Variants in CUBN observed in about 807,000 individuals in gnomAD.
The protein encoded by CUBN is 460 kDa receptor.
A neutral mutation model predicts 405.3 loss-of-function variants in CUBN; 282 were observed. The ratio of observed to expected loss-of-function variants is 0.70; its 90% CI spans 0.63 to 0.77. CUBN has a LOEUF of 0.77. Ranked by LOEUF, CUBN falls within the 30% of genes least tolerant of loss-of-function variation. The pLI, the probability that CUBN is intolerant of heterozygous loss-of-function variation, is 0.00. For synonymous variants in CUBN, 1,684 were observed against 1,617.0 expected, an observed-to-expected ratio of 1.04 and a Z score of -0.99; for missense variants, 4,514 against 4,475.2, an observed-to-expected ratio of 1.01 and a Z score of -0.25.
At chr10:16,871,728 A>T (rs1840359422) in intron 58 of CUBN, among the ~76,000 whole-genome samples, 2 of 152,212 alleles carry the variant, frequency 1.3e-5, no homozygotes, top group African/African-American at 4.8e-5. Flanking sequence ...TTCTAAGAGG[A>T]CTTAAATCTG....
intron 44 of CUBN, 83 bp from the exon 45 acceptor site, chr10:16,918,883 G>T: frequency 4.9e-6 from 6 of 1,231,492 alleles, no homozygotes; most frequent in Non-Finnish European, 4.7e-6. Flanking sequence ...TTTCTTTGAA[G>T]ATATTATTAA....
chr10:16,964,871 C>T lies in CUBN; in HGVS notation c.4696-10323G>A, dbSNP rs575323087. On this transcript the variant is annotated intron_variant, in intron 31 of 66. Transcript: ENST00000377833. Reference sequence around the variant, plus strand: ...TCTACAACTGTGCCCCAGTCCTCTCCCCTAAGCCCTAGGCTTGTATAGACA... The same window carrying T: ...TCTACAACTGTGCCCCAGTCCTCTCTCCTAAGCCCTAGGCTTGTATAGACA... Among the ~76,000 whole-genome samples, 5 of 152,338 alleles carry T rather than the reference C, an allele frequency of 3.3e-5. No homozygotes were observed. In the East Asian group the frequency reaches 7.7e-4, roughly 23 times the overall value.
rs185221195 is a variant in CUBN at position 17,038,093 on chromosome 10, C to T, written c.4017+2940G>A. 1.9e-3 allele frequency among the ~76,000 whole-genome samples: 286 copies of T among 152,230 alleles called. 1 individual carries two copies. The highest frequency in any genetic ancestry group is 3.2e-3 in the Non-Finnish European group (217 of 68,016). Reference sequence around the variant, plus strand: ...AGCTGAGATTATAGGCCTGAGCCACCGTGCCCAGCCACAATCACCTCTTAG... The same window carrying T: ...AGCTGAGATTATAGGCCTGAGCCACTGTGCCCAGCCACAATCACCTCTTAG... On this transcript the variant is annotated intron_variant, in intron 27 of 66. Coordinates refer to ENST00000377833, the MANE Select transcript of CUBN (RefSeq NM_001081.4).
At chr10:17,022,557 CAGA>C (rs1834526826) in intron 27 of CUBN, among the ~76,000 whole-genome samples, 1 of 152,092 alleles carries the variant, frequency 6.6e-6, no homozygotes, top group Non-Finnish European at 1.5e-5. Context: ...CGAAACGGAA[CAGA>C]AGCTTTTCAC....
chr10:17,092,176 G>A (rs192597543), intron 14 of CUBN, among the ~76,000 whole-genome samples: 7 of 152,172 alleles, frequency 4.6e-5, no homozygotes, highest in Non-Finnish European at 7.4e-5. Context: ...AGTTATGAAC[G>A]GGTCTCACCA....
intron 35 of CUBN, 107 bp from the exon 36 acceptor site, chr10:16,947,474 T>C (rs934421641): frequency 2.0e-5 from 23 of 1,179,256 alleles, no homozygotes; most frequent in African/African-American, 3.0e-5. Flanking sequence ...AAAGAATAGA[T>C]AGTATTTCCA....
At chr10:17,072,012 A>C in intron 17 of CUBN, 41 bp from the exon 18 acceptor site, 1 of 1,548,762 alleles carries the variant, frequency 6.5e-7, no homozygotes, top group Non-Finnish European at 8.8e-7. Context: ...TCAAATAAAG[A>C]AACTTACGTC....
intron 60 of CUBN, among the ~76,000 whole-genome samples, chr10:16,846,916 A>C (rs902442540): frequency 1.3e-5 from 2 of 152,006 alleles, no homozygotes; most frequent in African/African-American, 4.8e-5. Flanking sequence ...CTGGTTCCAT[A>C]CTTCCTGGCA....
chr10:17,100,021 C>T lies in CUBN; in HGVS notation c.1749G>A (p.Trp583Ter), dbSNP rs1250143768. The T allele has an allele frequency of 6.2e-7, 1 of 1,612,682 alleles. No individual in the cohort carries two copies. Among genetic ancestry groups the T allele is most frequent in the Admixed American group, 1.7e-5 (1 of 60,000 alleles). ...CACACATACCTGGTTGCTGTGTTTC[C>T]CATCTTACTGTAAAGCCTCTCCCAT... ...LRNGRGFTVR[W>*]ETQQPECGGI... The change falls in exon 14 of 67, where the codon TGG becomes TGA. Residue 583 changes from tryptophan to a stop codon, truncating the protein, a stop_gained. Transcript: ENST00000377833. LOFTEE classifies it high-confidence loss of function.
rs2131292618 is a variant in CUBN at position 16,824,720 on chromosome 10, A to G, written c.*255T>C. On this transcript the variant is annotated 3_prime_UTR_variant, in exon 67 of 67. Coordinates refer to ENST00000377833, the MANE Select transcript of CUBN (RefSeq NM_001081.4). Reference sequence around the variant, plus strand: ...ATTGTTAGAGAGATGAGGTTTCACCATGCTGGCCAGGCTAGTCTCAAACTC... The same window carrying G: ...ATTGTTAGAGAGATGAGGTTTCACCGTGCTGGCCAGGCTAGTCTCAAACTC... 1 of 411,116 alleles carries G rather than the reference A, an allele frequency of 2.4e-6. No homozygotes were observed. Among genetic ancestry groups the G allele is most frequent in the Middle Eastern group, 7.8e-4 (1 of 1,276 alleles). 25.5% of individuals were successfully genotyped at this position (411,116 alleles called of 1,614,324 possible).
chr10:17,122,096 A>T (rs1335660131), intron 6 of CUBN: 2 of 152,500 alleles, frequency 1.3e-5, no homozygotes, highest in Non-Finnish European at 2.9e-5. Flanking sequence ...GACGATGGAT[A>T]TCCCTAGAGC....
chr10:16,850,411 T>A (rs1839651474), intron 60 of CUBN, among the ~76,000 whole-genome samples: 1 of 152,224 alleles, frequency 6.6e-6, no homozygotes, highest in Non-Finnish European at 1.5e-5. Flanking sequence ...ATAGGTATAA[T>A]AATTTAATAT....
intron 28 of CUBN, among the ~76,000 whole-genome samples, chr10:17,013,300 TTCTC>T (rs779321746): frequency 1.1e-4 from 16 of 151,860 alleles, no homozygotes; most frequent in Non-Finnish European, 1.9e-4. Flanking sequence ...ATCTTTCTCT[TTCTC>T]TCTCTGTCTC....
At chr10:16,839,162 G>T (rs1457341116) in intron 62 of CUBN, among the ~76,000 whole-genome samples, 1 of 152,140 alleles carries the variant, frequency 6.6e-6, no homozygotes, top group Non-Finnish European at 1.5e-5. Context: ...TCAGATAAAT[G>T]GGTGTTATAT....
intron 40 of CUBN, among the ~76,000 whole-genome samples, chr10:16,929,572 A>C (rs1842308362): frequency 1.3e-5 from 2 of 152,214 alleles, no homozygotes; most frequent in Admixed American, 1.3e-4. Flanking sequence ...GTTATTTTCT[A>C]TTCTTGTGAT....
chr10:16,963,704 T>C lies in CUBN; in HGVS notation c.4696-9156A>G, dbSNP rs141207767. On this transcript the variant is annotated intron_variant, in intron 31 of 66. Transcript: ENST00000377833. ...AATGACTTGTGGTGCATATATAAAA[T>C]AGAATGTGTAGTGACTAAAAGAATG... Among the ~76,000 whole-genome samples, 136 of 152,224 alleles carry C rather than the reference T, an allele frequency of 8.9e-4. 1 individual carries two copies. The highest frequency in any genetic ancestry group is 2.9e-3 in the Admixed American group (45 of 15,284).
At chr10:17,114,327 C>A in intron 7 of CUBN, 138 bp from the exon 8 acceptor site, 1 of 852,428 alleles carries the variant, frequency 1.2e-6, no homozygotes. Context: ...TTCTCTTTTT[C>A]TTCCCATATG....
In CUBN at chr10:16,950,014, G is replaced by A. The variant is rs776829136; in HGVS notation, c.5067C>T (p.Asp1689=). Residue 1689 remains aspartate (D), a synonymous_variant, in exon 34 of 67, where the codon GAC becomes GAT. Coordinates refer to ENST00000377833, the MANE Select transcript of CUBN (RefSeq NM_001081.4). ...FVEILDGGHE[D]APLRGRYCGT... is the part of the protein sequence containing the mutation. ...ACGCTGAGGTACCTCGGAGGGGCGC[G>A]TCTTCGTGGCCGCCATCCAAAATTT... is the stretch of plus-strand genomic sequence containing the variant. 2.6e-5 allele frequency: 42 copies of A among 1,613,306 alleles called. No individual in the cohort carries two copies. The highest frequency in any genetic ancestry group is 1.3e-5 in the African/African-American group (1 of 74,908).
chr10:16,828,677 G>A lies in CUBN; in HGVS notation c.10764+128C>T, dbSNP rs141113082. The A allele has an allele frequency of 1.7e-3, 1,253 of 745,104 alleles. 19 individuals carry two copies. In the East Asian group the frequency reaches 0.022, roughly 13 times the overall value. The allele number at this position is 745,104 out of a possible 1,614,324, so 46.2% of individuals were successfully genotyped here. A position where few individuals can be genotyped will look rare whatever the true frequency, so the allele number is the denominator to read the frequency against. On this transcript the variant is annotated intron_variant, in intron 66 of 66. Transcript: ENST00000377833. ...AGGTTGCAGTGAGTTGAGATTGCGC[G>A]CACCACTGCACTCCAGCCTGGGTGA... is the stretch of plus-strand genomic sequence containing the variant.
Sources: gnomAD v4.1 joint callset for allele counts (sites outside exome capture counted in the v4.1 genomes callset) on GRCh38, gnomAD v4.1.1 for gene constraint, MANE v1.5 for transcripts, NCBI Gene and HGNC (gene_info 2026-07-23, HGNC 2026-07-21) for gene names.